Variants in LRRC28 observed in about 807,000 individuals in gnomAD.
LRRC28 encodes the protein leucine-rich repeat-containing protein 28.
LRRC28 carries 39 observed loss-of-function variants against 45.7 expected under a neutral mutation model. That is an observed-to-expected ratio of 0.85 (90% CI 0.66 to 1.12). The LOEUF (loss-of-function observed/expected upper bound fraction) is 1.12. Ranked by LOEUF, LRRC28 falls within the 50% of genes most tolerant of loss-of-function variation. LRRC28 has a pLI of 0.00. For synonymous variants in LRRC28, 206 were observed against 178.8 expected (o/e 1.15, Z -1.22); for missense variants, 435 against 438.5 (o/e 0.99, Z 0.07).
chr15:99,301,022 A>G (rs1263756738), intron 5 of LRRC28, among the ~76,000 whole-genome samples: 1 of 152,206 alleles, frequency 6.6e-6, no homozygotes, highest in Non-Finnish European at 1.5e-5. Flanking sequence ...AAGAATCACC[A>G]TTACTGTTTT....
chr15:99,257,931 C>A (rs2081073289), intron 2 of LRRC28: 2 of 768,864 alleles, frequency 2.6e-6, no homozygotes, highest in African/African-American at 1.7e-5. Flanking sequence ...AGAGATTTTC[C>A]TTAGAGAACT....
intron 5 of LRRC28, among the ~76,000 whole-genome samples, chr15:99,321,273 T>C (rs1233330303): frequency 1.3e-5 from 2 of 152,314 alleles, no homozygotes; most frequent in South Asian, 4.1e-4. Flanking sequence ...AAGGGCAATA[T>C]TTATTTGCTT....
At chr15:99,379,899 T>C (rs1167814677) in intron 9 of LRRC28, among the ~76,000 whole-genome samples, 2 of 152,274 alleles carry the variant, frequency 1.3e-5, no homozygotes, top group South Asian at 2.1e-4. Flanking sequence ...CACTGTGGTC[T>C]GAGAAACAGT....
chr15:99,308,861 A>G, intron 5 of LRRC28, among the ~76,000 whole-genome samples: 1 of 152,216 alleles, frequency 6.6e-6, no homozygotes, highest in East Asian at 1.9e-4. Flanking sequence ...GCTGCAGTCA[A>G]GGTTGGGTTG....
At chr15:99,300,895 T>C (rs981864779) in intron 5 of LRRC28, among the ~76,000 whole-genome samples, 1 of 152,178 alleles carries the variant, frequency 6.6e-6, no homozygotes, top group Non-Finnish European at 1.5e-5. Flanking sequence ...GAACCAAAAT[T>C]ATGATTTCTG....
intron 5 of LRRC28, among the ~76,000 whole-genome samples, chr15:99,293,275 T>TA (rs1397025707): frequency 1.3e-5 from 2 of 152,126 alleles, no homozygotes; most frequent in African/African-American, 4.8e-5. Context: ...CATTAGATAA[T>TA]ATTATTTTTG....
chr15:99,329,755 T>A (rs550759813), intron 5 of LRRC28, among the ~76,000 whole-genome samples: 1 of 152,230 alleles, frequency 6.6e-6, no homozygotes, highest in Non-Finnish European at 1.5e-5. Flanking sequence ...TAGTTTTTCA[T>A]TGATCTCGTC....
At chr15:99,281,735 T>A (rs185175748) in intron 3 of LRRC28, among the ~76,000 whole-genome samples, 1 of 152,318 alleles carries the variant, frequency 6.6e-6, no homozygotes, top group African/African-American at 2.4e-5. Context: ...GCAGTTTACT[T>A]TGATCCTTTT....
chr15:99,349,163 G>GT (rs888325108), intron 6 of LRRC28, among the ~76,000 whole-genome samples: 159 of 151,774 alleles, frequency 1.0e-3, no homozygotes, highest in African/African-American at 3.4e-3. Context: ...TGTTCTACTA[G>GT]TTTTTTTTGT....
At chr15:99,292,574 C>G (rs990381380) in intron 5 of LRRC28, among the ~76,000 whole-genome samples, 1 of 151,938 alleles carries the variant, frequency 6.6e-6, no homozygotes, top group African/African-American at 2.4e-5. Flanking sequence ...CCTTGTTAGC[C>G]AGGATGGTCT....
In LRRC28 at chr15:99,276,621, G is replaced by A. The variant is rs60050676; in HGVS notation, c.209+5G>A. Reference sequence around the variant, plus strand: ...GCTTCCAAACCTTGTGGAACTGTGAGTCTGTTTATTCAAATTTTTTAAAGA... The same window carrying A: ...GCTTCCAAACCTTGTGGAACTGTGAATCTGTTTATTCAAATTTTTTAAAGA... On this transcript the variant is annotated splice_donor_5th_base_variant and intron_variant, in intron 3 of 9. Coordinates refer to ENST00000301981, the MANE Select transcript of LRRC28 (RefSeq NM_144598.5). 6.6e-7 allele frequency: 1 copy of A among 1,513,266 alleles called. No individual in the cohort carries two copies. The highest frequency in any genetic ancestry group is 8.8e-7 in the Non-Finnish European group (1 of 1,134,112). The allele number at this position is 1,513,266 out of a possible 1,614,324, so 93.7% of individuals were successfully genotyped here.
intron 5 of LRRC28, chr15:99,297,192 AAAAAAAAAT>A (rs1272097223): frequency 6.5e-6 from 1 of 152,958 alleles, no homozygotes; most frequent in African/African-American, 2.4e-5. Flanking sequence ...AAAAAAAAAA[AAAAAAAAAT>A]ATCTACCAGA....
At chr15:99,366,155 T>C (rs1308232471) in intron 9 of LRRC28, among the ~76,000 whole-genome samples, 3 of 152,194 alleles carry the variant, frequency 2.0e-5, no homozygotes, top group African/African-American at 4.8e-5. Context: ...AGAAATTTAT[T>C]GTATCTCAGT....
At chr15:99,325,262 AT>A (rs1567664246) in intron 5 of LRRC28, among the ~76,000 whole-genome samples, 1 of 152,114 alleles carries the variant, frequency 6.6e-6, no homozygotes, top group Non-Finnish European at 1.5e-5. Flanking sequence ...AATGCAATTG[AT>A]TTTCTAATAT....
intron 9 of LRRC28, among the ~76,000 whole-genome samples, chr15:99,382,766 AACG>A (rs1957868112): frequency 1.3e-5 from 2 of 151,270 alleles, no homozygotes; most frequent in South Asian, 2.1e-4. Flanking sequence ...TGAAAAAAAC[AACG>A]TAGATTCTGC....
At chr15:99,290,834 GAC>G (rs145162129) in intron 5 of LRRC28, among the ~76,000 whole-genome samples, 1 of 151,988 alleles carries the variant, frequency 6.6e-6, no homozygotes, top group Non-Finnish European at 1.5e-5. Flanking sequence ...CGTGCATGGT[GAC>G]ACACACCTTA....
chr15:99,288,910 C>T (rs756138694), intron 5 of LRRC28, among the ~76,000 whole-genome samples: 6 of 150,952 alleles, frequency 4.0e-5, no homozygotes, highest in Admixed American at 6.6e-5. Flanking sequence ...AAACTCCTGA[C>T]GTCAAGTGAT....
chr15:99,318,365 A>G (rs920722150), intron 5 of LRRC28, among the ~76,000 whole-genome samples: 1 of 152,120 alleles, frequency 6.6e-6, no homozygotes, highest in Non-Finnish European at 1.5e-5. Context: ...AGGTGCTTAC[A>G]ATTGTTGTGT....
At chr15:99,260,118 C>T in intron 2 of LRRC28, 1 of 432,538 alleles carries the variant, frequency 2.3e-6, no homozygotes, top group Non-Finnish European at 4.5e-6. Flanking sequence ...CCCACCAGTC[C>T]CCTTCTCCCC....
Sources: gnomAD v4.1 joint callset for allele counts (sites outside exome capture counted in the v4.1 genomes callset) on GRCh38, gnomAD v4.1.1 for gene constraint, MANE v1.5 for transcripts, NCBI Gene and HGNC (gene_info 2026-07-23, HGNC 2026-07-21) for gene names.